The following PARP11 variants were observed in gnomAD, a reference collection of about 807,000 sequenced individuals.
PARP11 encodes the protein poly(ADP-ribose) polymerase family member 11, also known as protein mono-ADP-ribosyltransferase PARP11.
PARP11 carries 31 observed loss-of-function variants against 42.9 expected under a neutral mutation model. The ratio of observed to expected loss-of-function variants is 0.72; its 90% CI spans 0.54 to 0.98. The LOEUF is 0.98. Among genes scored for constraint, PARP11 ranks in the 50% least tolerant of loss-of-function variants. The probability of loss-of-function intolerance (pLI) is 0.00; values close to 1 mark genes in which losing one functional copy is unlikely to be tolerated. For synonymous variants in PARP11, 137 were observed against 127.3 expected, an observed-to-expected ratio of 1.08 and a Z score of -0.51; for missense variants, 365 against 413.1, an observed-to-expected ratio of 0.88 and a Z score of 1.01.
chr12:3,813,221 T>C (rs183409314), intron 7 of PARP11, among the ~76,000 whole-genome samples: 2 of 152,338 alleles, frequency 1.3e-5, no homozygotes, highest in Admixed American at 6.5e-5. Flanking sequence ...ACCGATGGCC[T>C]ACAGGGATTC....
chr12:3,871,476 AGCAATAG>A (rs1045706703), intron 1 of PARP11, among the ~76,000 whole-genome samples: 1 of 152,210 alleles, frequency 6.6e-6, no homozygotes, highest in African/African-American at 2.4e-5. Flanking sequence ...CTAGGTTAAG[AGCAATAG>A]GCTATTCCAT....
intron 4 of PARP11, among the ~76,000 whole-genome samples, chr12:3,825,235 C>T (rs1300747241): frequency 1.3e-5 from 2 of 152,122 alleles, no homozygotes; most frequent in Non-Finnish European, 2.9e-5. Context: ...CATTCATTCA[C>T]ATGAATAATA....
intron 1 of PARP11, among the ~76,000 whole-genome samples, chr12:3,849,228 C>T (rs1034051268): frequency 7.2e-5 from 11 of 151,980 alleles, no homozygotes; most frequent in African/African-American, 2.2e-4. Context: ...TAAATAAGAA[C>T]AGTCACCATG....
At chr12:3,829,176 G>C (rs1411609948) in intron 2 of PARP11, 146 bp from the exon 3 acceptor site, 3 of 760,878 alleles carry the variant, frequency 3.9e-6, no homozygotes, top group Admixed American at 2.4e-5. Context: ...CACACAGGGA[G>C]AATCACAACT....
intron 1 of PARP11, among the ~76,000 whole-genome samples, chr12:3,835,233 G>A (rs1315212689): frequency 6.6e-6 from 1 of 152,194 alleles, no homozygotes; most frequent in Non-Finnish European, 1.5e-5. Flanking sequence ...AGCACAACCT[G>A]TGACCAGTAC....
chr12:3,862,611 A>G (rs1470526861), intron 1 of PARP11, among the ~76,000 whole-genome samples: 1 of 149,596 alleles, frequency 6.7e-6, no homozygotes, highest in Non-Finnish European at 1.5e-5. Context: ...TACTATATAT[A>G]TAATTTTTAT....
intron 3 of PARP11, 114 bp from the exon 4 acceptor site, chr12:3,826,347 T>A: frequency 1.5e-6 from 1 of 687,160 alleles, no homozygotes; most frequent in Non-Finnish European, 2.3e-6. Flanking sequence ...GCTTCGGGAG[T>A]AGCTGGCAAG....
At chr12:3,839,676 T>C in intron 1 of PARP11, 2 of 975,272 alleles carry the variant, frequency 2.1e-6, no homozygotes, top group South Asian at 1.3e-5. Context: ...AACCTAATGT[T>C]TCTCCTTCAC....
intron 1 of PARP11, among the ~76,000 whole-genome samples, chr12:3,869,886 A>G (rs1257766755): frequency 6.6e-6 from 1 of 152,242 alleles, no homozygotes; most frequent in Non-Finnish European, 1.5e-5. Context: ...TAACTAGCTT[A>G]TAACAGGTGC....
intron 1 of PARP11, among the ~76,000 whole-genome samples, chr12:3,870,332 A>G (rs565127574): frequency 6.6e-6 from 1 of 152,354 alleles, no homozygotes; most frequent in East Asian, 1.9e-4. Flanking sequence ...GTGGCAAAAG[A>G]AGAATGTGAG....
rs577090830 is a variant in PARP11, at chr12:3,823,642, G to A, written c.345-1485C>T. On this transcript the variant is annotated intron_variant, in intron 4 of 7. Transcript: ENST00000228820. The stretch of plus-strand genomic sequence containing the variant: ...ACTGCATTAAGAAAGCTGGCTGGGC[G>A]CGGTGGCTCATGCCTATAATCCCAA... 9.2e-5 allele frequency among the ~76,000 whole-genome samples: 14 copies of A among 152,322 alleles called. No individual in the cohort carries two copies. The South Asian group carries it at 1.4e-3, about 16-fold the overall frequency.
chr12:3,820,864 T>C (rs1161167404), intron 6 of PARP11, among the ~76,000 whole-genome samples: 1 of 152,194 alleles, frequency 6.6e-6, no homozygotes, highest in Non-Finnish European at 1.5e-5. Flanking sequence ...GAAAGCCCCT[T>C]ATTACCATAA....
intron 1 of PARP11, among the ~76,000 whole-genome samples, chr12:3,832,955 A>G (rs1392743881): frequency 1.3e-5 from 2 of 152,256 alleles, no homozygotes; most frequent in African/African-American, 4.8e-5. Context: ...TATCTGTTAC[A>G]AAGAGAATCT....
At chr12:3,841,924 G>A in intron 1 of PARP11, 1 of 1,607,498 alleles carries the variant, frequency 6.2e-7, no homozygotes, top group African/African-American at 1.3e-5. Context: ...AGCCAGGAGT[G>A]AACATGTACA....
chr12:3,830,101 A>C lies in PARP11; in HGVS notation c.19-83T>G. On this transcript the variant is annotated intron_variant, in intron 1 of 7. Coordinates refer to ENST00000228820, the MANE Select transcript of PARP11 (RefSeq NM_020367.6). ...TTTACAGATCATTTTACTTCTTTAC[A>C]AAGAGTGGTATTCAAGTGTCTTTCC... 4 of 1,280,974 alleles carry C rather than the reference A, an allele frequency of 3.1e-6. No homozygotes were observed. In the South Asian group the frequency reaches 5.3e-5, roughly 17 times the overall value. The allele number at this position is 1,280,974 out of a possible 1,614,324, so 79.4% of individuals were successfully genotyped here.
At chr12:3,858,928 TA>T (rs889062659) in intron 1 of PARP11, among the ~76,000 whole-genome samples, 91 of 145,484 alleles carry the variant, frequency 6.3e-4, no homozygotes, top group East Asian at 2.0e-3. Flanking sequence ...CATCTCTATT[TA>T]AAAAAAAAAA....
intron 1 of PARP11, among the ~76,000 whole-genome samples, chr12:3,863,156 A>G (rs11062877): frequency 0.059 from 9,048 of 152,262 alleles, 345 homozygotes; most frequent in East Asian, 0.18. Context: ...TTAAAAGTCA[A>G]TTTCTGATTA....
chr12:3,839,746 T>C (rs1947848364), intron 1 of PARP11: 3 of 1,121,854 alleles, frequency 2.7e-6, no homozygotes, highest in Non-Finnish European at 4.1e-6. Flanking sequence ...TGGAAATCAT[T>C]ATGATATTGT....
At chr12:3,849,638 C>T (rs1948060508) in intron 1 of PARP11, among the ~76,000 whole-genome samples, 1 of 151,962 alleles carries the variant, frequency 6.6e-6, no homozygotes, top group Admixed American at 6.6e-5. Flanking sequence ...TTGGTGGTTA[C>T]CAGAGGCTGG....
Sources: allele counts gnomAD v4.1 joint callset (sites outside exome capture counted in the v4.1 genomes callset), GRCh38; gene constraint gnomAD v4.1.1; transcripts MANE v1.5; gene names NCBI Gene and HGNC (gene_info 2026-07-23, HGNC 2026-07-21).